Variants in COL4A4 observed in about 807,000 individuals in gnomAD.
COL4A4 encodes the protein collagen type IV alpha 4 chain, also known as collagen alpha-4(IV) chain.
Under a neutral mutation model 192.9 loss-of-function variants are expected in COL4A4, and 105 were observed. The ratio of observed to expected loss-of-function variants is 0.54; its 90% CI spans 0.46 to 0.64. The LOEUF (loss-of-function observed/expected upper bound fraction) is 0.64. Among genes scored for constraint, COL4A4 ranks in the 30% least tolerant of loss-of-function variants. The pLI, the probability that COL4A4 is intolerant of heterozygous loss-of-function variation, is 0.00. For synonymous variants in COL4A4, 762 were observed against 769.9 expected (o/e 0.99, Z 0.17); for missense variants, 1,967 against 2,169.3 (o/e 0.91, Z 1.85).
At chr2:227,142,498 A>T (rs1471863133) in intron 3 of COL4A4, among the ~76,000 whole-genome samples, 7 of 152,212 alleles carry the variant, frequency 4.6e-5, no homozygotes, top group Non-Finnish European at 1.0e-4. Flanking sequence ...TCATTCCTGT[A>T]ATCCCAGCAC....
At chr2:227,107,509 T>C (rs1255617612) in intron 12 of COL4A4, among the ~76,000 whole-genome samples, 1 of 152,170 alleles carries the variant, frequency 6.6e-6, no homozygotes, top group Non-Finnish European at 1.5e-5. Flanking sequence ...CATGAAGTTG[T>C]TATATATATT....
At chr2:227,066,393 C>T (rs1245458465) in intron 25 of COL4A4, among the ~76,000 whole-genome samples, 2 of 151,638 alleles carry the variant, frequency 1.3e-5, no homozygotes, top group African/African-American at 4.8e-5. Flanking sequence ...TCGAGAAGAG[C>T]AACTCCAAGA....
At chr2:227,099,506 C>G in intron 18 of COL4A4, 114 bp downstream of exon 18, 1 of 897,980 alleles carries the variant, frequency 1.1e-6, no homozygotes, top group East Asian at 2.4e-5. Flanking sequence ...ACAGTTCGTG[C>G]ATTCAGCCTG....
chr2:226,972,148 A>G, the COL4A4 span, among the ~76,000 whole-genome samples: 1 of 152,176 alleles, frequency 6.6e-6, no homozygotes, highest in African/African-American at 2.4e-5. Flanking sequence ...CTCATTGTTC[A>G]ACTCCCACTT....
At position 227,149,140 on chromosome 2, in the gene COL4A4, C is replaced by T. The variant is rs373442704; in HGVS notation, c.-101-1556G>A. Among the ~76,000 whole-genome samples, 186 of 152,264 alleles carry T rather than the reference C, an allele frequency of 1.2e-3. 2 individuals carry two copies. Among genetic ancestry groups the T allele is most frequent in the South Asian group, 0.011 (54 of 4,824 alleles). On this transcript the variant is annotated intron_variant, in intron 1 of 47. Coordinates refer to ENST00000396625, the MANE Select transcript of COL4A4 (RefSeq NM_000092.5). ...CTGAGATTACAGGCGTGAGCCACTG[C>T]ACCTGGCCATTACCTATTTTTAAAC...
At chr2:227,077,033 T>C (rs997618583) in intron 25 of COL4A4, among the ~76,000 whole-genome samples, 1 of 152,170 alleles carries the variant, frequency 6.6e-6, no homozygotes, top group Non-Finnish European at 1.5e-5. Flanking sequence ...ACTTTTACAC[T>C]GTTGGTGGGA....
At chr2:227,159,379 C>T (rs1039984593) in intron 1 of COL4A4, among the ~76,000 whole-genome samples, 10 of 152,220 alleles carry the variant, frequency 6.6e-5, no homozygotes, top group Non-Finnish European at 1.3e-4. Flanking sequence ...TAGAAAAATA[C>T]TGCAGCTTGA....
At position 227,027,667 on chromosome 2, in the gene COL4A4, ATAAAG is replaced by A. The variant is rs572098495; in HGVS notation, c.4081+230_4081+234del. Among the ~76,000 whole-genome samples, 1,037 of 151,694 alleles carry A rather than the reference ATAAAG, an allele frequency of 6.8e-3. 7 individuals are homozygous for A. Among genetic ancestry groups the A allele is most frequent in the African/African-American group, 0.024 (994 of 41,512 alleles). On this transcript the variant is annotated intron_variant, in intron 42 of 47. Transcript: ENST00000396625. ...TATATATATAGAAAAAAATTAAAAA[ATAAAG>A]TAAAAAAAAATCAACTCCTAATTTT...
rs368876178 is a variant in COL4A4, at chr2:227,054,582, T to C, written c.2860+12A>G. The C allele has an allele frequency of 3.7e-6, 6 of 1,614,010 alleles. No homozygotes were observed. Among genetic ancestry groups the C allele is most frequent in the Admixed American group, 1.7e-5 (1 of 60,008 alleles). ...GAAACAAATGCATGTTGCATGGCTG[T>C]ATTTTATTTACCTTTGGCCCCTCTC... On this transcript the variant is annotated intron_variant, in intron 31 of 47. Coordinates refer to ENST00000396625, the MANE Select transcript of COL4A4 (RefSeq NM_000092.5).
At position 227,054,781 on chromosome 2, in the gene COL4A4, G is replaced by C. The variant is rs564600452; in HGVS notation, c.2717-44C>G. 5.1e-6 allele frequency: 8 copies of C among 1,571,062 alleles called. No homozygotes were observed. The African/African-American group carries it at 1.1e-4, about 21-fold the overall frequency. On this transcript the variant is annotated intron_variant, in intron 30 of 47. Transcript: ENST00000396625. Reference sequence around the variant, plus strand: ...AAAGTTTTAGGAAAATATTTTATTTGTTATTTATTTTTTCAGGGGTGGGAG... The same window carrying C: ...AAAGTTTTAGGAAAATATTTTATTTCTTATTTATTTTTTCAGGGGTGGGAG...
intron 44 of COL4A4, among the ~76,000 whole-genome samples, chr2:227,016,210 C>G (rs1559416232): frequency 1.3e-5 from 2 of 152,128 alleles, no homozygotes; most frequent in South Asian, 4.1e-4. Context: ...CCAAACAGCC[C>G]TCCAGGATAA....
At chr2:227,045,807 T>C (rs796776447) in intron 35 of COL4A4, among the ~76,000 whole-genome samples, 1 of 64,238 alleles carries the variant, frequency 1.6e-5, no homozygotes, top group Non-Finnish European at 2.8e-5. Flanking sequence ...TACACATATA[T>C]ATATATATAC....
intron 20 of COL4A4, 68 bp downstream of exon 20, chr2:227,094,057 T>C (rs1357167422): frequency 1.4e-6 from 2 of 1,405,712 alleles, no homozygotes; most frequent in East Asian, 4.6e-5. Flanking sequence ...AAACTATGCT[T>C]TCTTAGTGGC....
chr2:227,021,990 G>A, intron 44 of COL4A4, 58 bp downstream of exon 44: 1 of 1,575,138 alleles, frequency 6.3e-7, no homozygotes, highest in Non-Finnish European at 8.7e-7. Context: ...AAAAGATCTA[G>A]AATTTCATTT....
rs564527358 is a variant in COL4A4, at chr2:227,101,488, T to A, written c.1029+16A>T. ...AAACTTTTATCAGGATATATTAAAA[T>A]AGGCTCACTTTTTACCTTTGGGCCA... is the stretch of plus-strand genomic sequence containing the variant. On this transcript the variant is annotated intron_variant, in intron 17 of 47. Coordinates refer to ENST00000396625, the MANE Select transcript of COL4A4 (RefSeq NM_000092.5). 3.8e-6 allele frequency: 6 copies of A among 1,595,724 alleles called. No individual in the cohort carries two copies. In the East Asian group the frequency reaches 1.4e-4, roughly 36 times the overall value.
chr2:227,055,943 A>ACCC lies in COL4A4; in HGVS notation c.2715_2716+1dup. 2 of 1,613,066 alleles carry ACCC rather than the reference A, an allele frequency of 1.2e-6. No homozygotes were observed. Among genetic ancestry groups the ACCC allele is most frequent in the Non-Finnish European group, 1.7e-6 (2 of 1,179,580 alleles). On this transcript the variant is annotated splice_donor_variant, in intron 30 of 47. Coordinates refer to ENST00000396625, the MANE Select transcript of COL4A4 (RefSeq NM_000092.5). LOFTEE classifies it high-confidence loss of function. The stretch of plus-strand genomic sequence containing the variant: ...GGACATCATGGAAAAAGCACTACCT[A>ACCC]CCCTTTGGACCTGGAGGACCAGGTA...
chr2:227,022,097 TC>T lies in COL4A4; in HGVS notation c.4166del (p.Gly1389AspfsTer11). On this transcript the variant is annotated frameshift_variant, in exon 44 of 48. Transcript: ENST00000396625. LOFTEE classifies it high-confidence loss of function. ...PGLPGAPGMR[G>X]PEGAMGLPGM... The stretch of plus-strand genomic sequence containing the variant: ...CAGGGAGCCCCATGGCTCCTTCTGG[TC>T]CTCTCATGCCTGGCGCCCCAGGAAG... 4 of 1,614,112 alleles carry T rather than the reference TC, an allele frequency of 2.5e-6. No homozygotes were observed. Among genetic ancestry groups the T allele is most frequent in the Non-Finnish European group, 3.4e-6 (4 of 1,180,004 alleles).
At chr2:227,100,329 A>G (rs1158295229) in intron 17 of COL4A4, among the ~76,000 whole-genome samples, 3 of 150,946 alleles carry the variant, frequency 2.0e-5, no homozygotes, top group African/African-American at 7.3e-5. Context: ...TCAAATGTAG[A>G]ACATAATAAT....
rs1433426991 is a variant in COL4A4 at position 227,043,110 on chromosome 2, G to T, written c.3364C>A (p.Pro1122Thr). ...CCTGGTGGTCCAGAGGAGCCAGGTG[G>T]CCCTGGCCTTCCAGGTGATCCTCTG... Reference protein sequence around the residue: ...GPRGSPGRPGPPGSSGPPGCP... With the variant: ...GPRGSPGRPGTPGSSGPPGCP... Residue 1122 changes from proline to threonine, a missense_variant, in exon 36 of 48, where the codon CCA (proline) becomes ACA (threonine). By Grantham distance (38) the Pro-to-Thr change is conservative (BLOSUM62 -1). Transcript: ENST00000396625. 1 of 1,613,550 alleles carries T rather than the reference G, an allele frequency of 6.2e-7. No homozygotes were observed. Among genetic ancestry groups the T allele is most frequent in the Non-Finnish European group, 8.5e-7 (1 of 1,179,878 alleles).
Sources: gnomAD v4.1 joint callset for allele counts (sites outside exome capture counted in the v4.1 genomes callset) on GRCh38, gnomAD v4.1.1 for gene constraint, MANE v1.5 for transcripts, NCBI Gene and HGNC (gene_info 2026-07-23, HGNC 2026-07-21) for gene names.